The following RNF212B variants were observed in gnomAD, a reference collection of about 807,000 sequenced individuals.
RNF212B encodes the protein ring finger protein 212B.
RNF212B carries 52 observed loss-of-function variants against 55.5 expected under a neutral mutation model. The ratio of observed to expected loss-of-function variants is 0.94; its 90% CI spans 0.75 to 1.18. The LOEUF (loss-of-function observed/expected upper bound fraction) is 1.18, where lower values mean the gene tolerates loss of function less well. Among genes scored for constraint, RNF212B ranks in the 50% most tolerant of loss-of-function variants. The pLI is 0.00. For synonymous variants in RNF212B, 99 were observed against 121.4 expected (o/e 0.82, Z 1.21); for missense variants, 289 against 350.4 (o/e 0.82, Z 1.40).
At chr14:23,231,628 C>T (rs1363336502) in intron 2 of RNF212B, among the ~76,000 whole-genome samples, 2 of 151,914 alleles carry the variant, frequency 1.3e-5, no homozygotes, top group Non-Finnish European at 2.9e-5. Flanking sequence ...TCCCCTCTCC[C>T]CTCTCCCCTC....
chr14:23,250,360 G>C (rs1309395057), intron 4 of RNF212B, among the ~76,000 whole-genome samples: 1 of 151,814 alleles, frequency 6.6e-6, no homozygotes, highest in Non-Finnish European at 1.5e-5. Context: ...GCGCGTGCCT[G>C]TAATGCCAGC....
In RNF212B at chr14:23,222,451, T is replaced by C. The variant is rs114807922; in HGVS notation, c.-1-17894T>C. 8.7e-3 allele frequency among the ~76,000 whole-genome samples: 1,322 copies of C among 152,112 alleles called. 25 individuals are homozygous for C. The highest frequency in any genetic ancestry group is 0.03 in the African/African-American group (1,250 of 41,524). On this transcript the variant is annotated intron_variant, in intron 2 of 15. Coordinates refer to the RNF212B transcript ENST00000399910. ...TTGAACTATGAAGAAAACCAAAACCTAAACAGAAAAATAACAAGTAACAAG... is the reference window on the plus strand; with the variant it reads ...TTGAACTATGAAGAAAACCAAAACCCAAACAGAAAAATAACAAGTAACAAG...
chr14:23,246,715 A>C (rs1290933997), intron 4 of RNF212B, among the ~76,000 whole-genome samples: 1 of 152,180 alleles, frequency 6.6e-6, no homozygotes, highest in Non-Finnish European at 1.5e-5. Context: ...GGTGTGAGCC[A>C]CCATGCCCAA....
At chr14:23,201,921 C>A (rs983383267) in intron 2 of RNF212B, among the ~76,000 whole-genome samples, 1 of 152,124 alleles carries the variant, frequency 6.6e-6, no homozygotes, top group Non-Finnish European at 1.5e-5. Context: ...TAAAATATAA[C>A]TTCCATAAAC....
intron 4 of RNF212B, among the ~76,000 whole-genome samples, chr14:23,249,702 T>C (rs1786740278): frequency 1.3e-5 from 2 of 152,122 alleles, no homozygotes; most frequent in South Asian, 2.1e-4. Context: ...CAGTGTGAGG[T>C]AGTATTCCTT....
At chr14:23,272,769 TG>T (rs1264551515) in intron 14 of RNF212B, 53 bp from the exon 15 acceptor site, 3 of 1,117,854 alleles carry the variant, frequency 2.7e-6, no homozygotes, top group Non-Finnish European at 4.0e-6. Flanking sequence ...GAGACTTGCT[TG>T]CCCTTTTTGC....
At chr14:23,264,326 T>A in intron 10 of RNF212B, 92 bp downstream of exon 10, 1 of 1,114,980 alleles carries the variant, frequency 9.0e-7, no homozygotes. Context: ...ATATTGGTTT[T>A]GGCATAAATT....
At chr14:23,249,416 C>T (rs962865089) in intron 4 of RNF212B, among the ~76,000 whole-genome samples, 2 of 152,150 alleles carry the variant, frequency 1.3e-5, no homozygotes, top group African/African-American at 4.8e-5. Context: ...CATGGTGGCA[C>T]ACACCTGTAG....
intron 4 of RNF212B, among the ~76,000 whole-genome samples, chr14:23,247,410 C>T (rs181349579): frequency 1.8e-4 from 28 of 151,938 alleles, no homozygotes; most frequent in Non-Finnish European, 3.2e-4. Context: ...ACTTCCCAAA[C>T]CCTTCCCACC....
At chr14:23,224,889 G>A (rs1881873877) in intron 2 of RNF212B, among the ~76,000 whole-genome samples, 1 of 152,104 alleles carries the variant, frequency 6.6e-6, no homozygotes, top group African/African-American at 2.4e-5. Flanking sequence ...TATATAAGGA[G>A]CTCAAACAAC....
chr14:23,246,737 T>C (rs940520744), intron 4 of RNF212B, among the ~76,000 whole-genome samples: 2 of 152,328 alleles, frequency 1.3e-5, no homozygotes, highest in Admixed American at 6.5e-5. Context: ...CTGAAAACTG[T>C]ACTTTATTAG....
intron 4 of RNF212B, among the ~76,000 whole-genome samples, chr14:23,256,812 A>G (rs557263468): frequency 6.6e-6 from 1 of 152,290 alleles, no homozygotes; most frequent in Non-Finnish European, 1.5e-5. Context: ...TCAGCCTTTC[A>G]GGTAGTTGAG....
chr14:23,192,593 A>G (rs1878220520), intron 1 of RNF212B, among the ~76,000 whole-genome samples: 1 of 151,904 alleles, frequency 6.6e-6, no homozygotes, highest in South Asian at 2.1e-4. Flanking sequence ...GTGAATGACG[A>G]GTTAATGGGT....
In RNF212B at chr14:23,263,001, G is replaced by A. The variant is rs757076338; in HGVS notation, c.524+31G>A. ...CCTACACAGCAACATTAAAACTGTTGGCAAAAGTTGGAAGATAGAAGAAAT... is the reference window on the plus strand; with the variant it reads ...CCTACACAGCAACATTAAAACTGTTAGCAAAAGTTGGAAGATAGAAGAAAT... On this transcript the variant is annotated intron_variant, in intron 9 of 14. Coordinates refer to ENST00000430154, the MANE Select transcript of RNF212B (RefSeq NM_001282322.3). The A allele has an allele frequency of 2.6e-6, 4 of 1,538,684 alleles. No homozygotes were observed. In the East Asian group the frequency reaches 7.3e-5, roughly 28 times the overall value.
intron 1 of RNF212B, among the ~76,000 whole-genome samples, chr14:23,191,240 C>A (rs1878087814): frequency 6.6e-6 from 1 of 151,780 alleles, no homozygotes; most frequent in South Asian, 2.1e-4. Flanking sequence ...ACCTGTAGTC[C>A]CAGCTACTTG....
chr14:23,215,314 A>G (rs962947644), intron 2 of RNF212B, among the ~76,000 whole-genome samples: 3 of 152,026 alleles, frequency 2.0e-5, no homozygotes, highest in Admixed American at 1.3e-4. Context: ...TCTTTTCTTT[A>G]TAAATTTCCC....
At chr14:23,187,736 C>T (rs772695269) in intron 1 of RNF212B, among the ~76,000 whole-genome samples, 7 of 152,108 alleles carry the variant, frequency 4.6e-5, no homozygotes, top group Non-Finnish European at 8.8e-5. Flanking sequence ...TCCTTCTTCT[C>T]GTAACTATGT....
At chr14:23,265,991 T>C (rs1015245982) in intron 11 of RNF212B, among the ~76,000 whole-genome samples, 1 of 152,206 alleles carries the variant, frequency 6.6e-6, no homozygotes, top group African/African-American at 2.4e-5. Flanking sequence ...TTGTGTTTTT[T>C]TTTGAGATGG....
At chr14:23,194,587 T>C (rs537383507) in intron 2 of RNF212B, among the ~76,000 whole-genome samples, 40 of 151,750 alleles carry the variant, frequency 2.6e-4, no homozygotes, top group Admixed American at 5.3e-4. Context: ...AAATAAAAAT[T>C]ATCTGGGCGT....
Sources: allele counts gnomAD v4.1 joint callset (sites outside exome capture counted in the v4.1 genomes callset), GRCh38; gene constraint gnomAD v4.1.1; transcripts MANE v1.5; gene names NCBI Gene and HGNC (gene_info 2026-07-23, HGNC 2026-07-21).